Variants in PDZD2 observed in about 807,000 individuals in gnomAD.
PDZD2 encodes PDZ domain-containing protein 2.
In PDZD2, 90 loss-of-function variants were observed where a neutral mutation model predicts 220.7. The observed-to-expected ratio is 0.41, with a 90% CI of 0.34 to 0.49. PDZD2 has a LOEUF of 0.49. Among genes scored for constraint, PDZD2 ranks in the 20% least tolerant of loss-of-function variants. PDZD2 has a pLI of 0.28. For synonymous variants in PDZD2, 1,375 were observed against 1,450.5 expected, an observed-to-expected ratio of 0.95 and a Z score of 1.18; for missense variants, 3,174 against 3,608.5, an observed-to-expected ratio of 0.88 and a Z score of 3.08.
chr5:32,062,030 G>A (rs1739741029), intron 14 of PDZD2, among the ~76,000 whole-genome samples: 1 of 152,020 alleles, frequency 6.6e-6, no homozygotes, highest in Non-Finnish European at 1.5e-5. Context: ...CTTCGGGCTG[G>A]GATTAAAGGT....
At chr5:31,708,428 T>A (rs535543461) in intron 1 of PDZD2, among the ~76,000 whole-genome samples, 1 of 152,258 alleles carries the variant, frequency 6.6e-6, no homozygotes, top group Admixed American at 6.5e-5. Flanking sequence ...TCTTCTGGGC[T>A]TAAATTATGC....
intron 1 of PDZD2, among the ~76,000 whole-genome samples, chr5:31,779,691 G>C: frequency 6.6e-6 from 1 of 152,034 alleles, no homozygotes; most frequent in Non-Finnish European, 1.5e-5. Flanking sequence ...GGAATCTCTT[G>C]AAGCCAAAAA....
In PDZD2 at chr5:32,074,462, G is replaced by T; in HGVS notation, c.3356G>T (p.Arg1119Ile). 2 of 1,614,110 alleles carry T rather than the reference G, an allele frequency of 1.2e-6. No individual in the cohort carries two copies. Among genetic ancestry groups the T allele is most frequent in the East Asian group, 2.2e-5 (1 of 44,876 alleles). The change falls in exon 18 of 25, where the codon AGA (arginine) becomes ATA (isoleucine). Residue 1119 changes from arginine to isoleucine, a missense_variant. Physicochemically the swap from Arg to Ile is moderately conservative, Grantham distance 97 (BLOSUM62 -3). Transcript: ENST00000438447. ...QKSEGLGSRHRPVARVSPHCK... is the reference protein window; with the variant it reads ...QKSEGLGSRHIPVARVSPHCK... ...AGTGAAGGCCTGGGCTCCAGGCACA[G>T]ACCAGTGGCCAGGGTAAGCCCCCAC...
chr5:31,687,212 G>A (rs932195170), intron 1 of PDZD2, among the ~76,000 whole-genome samples: 1 of 152,208 alleles, frequency 6.6e-6, no homozygotes, highest in African/African-American at 2.4e-5. Context: ...AGGAGCTGAT[G>A]GACCAAGTCT....
chr5:31,643,155 C>G (rs1401985012), intron 1 of PDZD2, among the ~76,000 whole-genome samples: 1 of 152,118 alleles, frequency 6.6e-6, no homozygotes, highest in Non-Finnish European at 1.5e-5. Context: ...TATAGGGGGT[C>G]CTTTCGAACA....
chr5:32,019,167 G>GA (rs1754002044), intron 6 of PDZD2, among the ~76,000 whole-genome samples: 1 of 143,770 alleles, frequency 7.0e-6, no homozygotes, highest in African/African-American at 2.6e-5. Context: ...TTTGAGACAG[G>GA]GTCTCACTCT....
intron 17 of PDZD2, 88 bp from the exon 18 acceptor site, chr5:32,073,744 C>T: frequency 2.4e-6 from 2 of 825,642 alleles, no homozygotes; most frequent in Non-Finnish European, 4.0e-6. Flanking sequence ...TGTGGAAATG[C>T]TTATGTGTAA....
chr5:31,831,934 A>AAG (rs1554080789), intron 2 of PDZD2, among the ~76,000 whole-genome samples: 5 of 149,064 alleles, frequency 3.4e-5, no homozygotes, highest in African/African-American at 4.9e-5. Context: ...AAAAAAAAAA[A>AAG]GAATAACGAT....
At chr5:31,683,071 C>T (rs1580559621) in intron 1 of PDZD2, among the ~76,000 whole-genome samples, 4 of 152,074 alleles carry the variant, frequency 2.6e-5, no homozygotes, top group Middle Eastern at 6.8e-3. Context: ...AATTTGCATT[C>T]GGCCCTTAAG....
intron 2 of PDZD2, chr5:31,923,611 A>G: frequency 2.7e-6 from 2 of 736,754 alleles, no homozygotes; most frequent in South Asian, 2.7e-5. Flanking sequence ...CGGATAAGAG[A>G]TGGGACATCA....
At chr5:31,847,366 T>C in intron 2 of PDZD2, 1 of 436,250 alleles carries the variant, frequency 2.3e-6, no homozygotes, top group Non-Finnish European at 4.3e-6. Flanking sequence ...ATTACTATGC[T>C]AAGAAACGCT....
Position 31,799,257 on chromosome 5 carries a change from C to G in PDZD2, c.9C>G (p.Ile3Met). The change falls in exon 2 of 25, where the codon ATC becomes ATG. Residue 3 changes from isoleucine to methionine, a missense_variant. Physicochemically the swap from Ile to Met is conservative, Grantham distance 10. Coordinates refer to ENST00000438447, the MANE Select transcript of PDZD2 (RefSeq NM_178140.4). MP[I>M]TQDNAVLHLP... Reference sequence around the variant, plus strand: ...GTCTGGGAGTGAGCACCATGCCCATCACCCAGGACAATGCCGTGCTGCACC... The same window carrying G: ...GTCTGGGAGTGAGCACCATGCCCATGACCCAGGACAATGCCGTGCTGCACC... 1 of 1,592,306 alleles carries G rather than the reference C, an allele frequency of 6.3e-7. No homozygotes were observed. The highest frequency in any genetic ancestry group is 8.6e-7 in the Non-Finnish European group (1 of 1,166,710).
rs1392340632 is a variant in PDZD2 at position 32,074,262 on chromosome 5, T to G, written c.3156T>G (p.Ala1052=). 1 of 1,614,210 alleles carries G rather than the reference T, an allele frequency of 6.2e-7. No homozygotes were observed. The highest frequency in any genetic ancestry group is 1.7e-5 in the Admixed American group (1 of 60,026). ...GTATCCCAGAGGGCATGGTGGATGC[T>G]GCGTCCTATGCAGCCAACCTCACGG... ...EESIPEGMVD[A]ASYAANLTDS... Residue 1052 remains alanine, a synonymous_variant, in exon 18 of 25, where the codon GCT becomes GCG. Coordinates refer to ENST00000438447, the MANE Select transcript of PDZD2 (RefSeq NM_178140.4).
intron 2 of PDZD2, among the ~76,000 whole-genome samples, chr5:31,831,989 T>G (rs946698727): frequency 3.4e-5 from 5 of 148,488 alleles, no homozygotes; most frequent in African/African-American, 1.3e-4. Flanking sequence ...TGGGCAAAGA[T>G]AAGTGACTCA....
chr5:31,821,642 G>T (rs1755869811), intron 2 of PDZD2, among the ~76,000 whole-genome samples: 1 of 152,120 alleles, frequency 6.6e-6, no homozygotes, highest in Non-Finnish European at 1.5e-5. Flanking sequence ...GCCTCCCAAA[G>T]TGCTGGGGTT....
intron 1 of PDZD2, among the ~76,000 whole-genome samples, chr5:31,757,731 A>G (rs1319922009): frequency 1.3e-5 from 2 of 152,314 alleles, no homozygotes; most frequent in East Asian, 1.9e-4. Flanking sequence ...GTGAAAGAGA[A>G]TGGTCACAGG....
intron 1 of PDZD2, among the ~76,000 whole-genome samples, chr5:31,797,680 A>G (rs966384472): frequency 6.6e-6 from 1 of 152,160 alleles, no homozygotes; most frequent in African/African-American, 2.4e-5. Context: ...GATATTTGCT[A>G]AGCTTTTGAT....
intron 14 of PDZD2, among the ~76,000 whole-genome samples, chr5:32,063,662 C>T (rs1432234815): frequency 2.6e-5 from 4 of 152,202 alleles, no homozygotes; most frequent in Non-Finnish European, 5.9e-5. Flanking sequence ...CTACTGGGTG[C>T]CAGGCAGTGC....
At chr5:31,912,248 A>G (rs1382317646) in intron 2 of PDZD2, among the ~76,000 whole-genome samples, 1 of 152,142 alleles carries the variant, frequency 6.6e-6, no homozygotes, top group African/African-American at 2.4e-5. Flanking sequence ...TGGTTCATAG[A>G]CGGTGCCTTC....
Sources: allele counts gnomAD v4.1 joint callset (sites outside exome capture counted in the v4.1 genomes callset), GRCh38; gene constraint gnomAD v4.1.1; transcripts MANE v1.5; gene names NCBI Gene and HGNC (gene_info 2026-07-23, HGNC 2026-07-21).